Variants in STIM1 observed in about 807,000 individuals in gnomAD.
The protein encoded by STIM1 is stromal interaction molecule 1.
In STIM1, 25 loss-of-function variants were observed where a neutral mutation model predicts 74.7. The ratio of observed to expected loss-of-function variants is 0.33; its 90% confidence interval spans 0.24 to 0.47. The LOEUF is 0.47. STIM1 is among the 20% of genes least tolerant of loss of function. The pLI is 1.00. For synonymous variants in STIM1, 328 were observed against 348.8 expected (o/e 0.94, Z 0.66); for missense variants, 728 against 920.8 (o/e 0.79, Z 2.71).
At chr11:3,886,580 C>T (rs1029366408) in intron 1 of STIM1, among the ~76,000 whole-genome samples, 5 of 144,750 alleles carry the variant, frequency 3.5e-5, no homozygotes, top group African/African-American at 5.3e-5. Flanking sequence ...CCCAGCTACT[C>T]GGGAGGCTGA....
chr11:3,904,535 G>C (rs1784610815), intron 1 of STIM1, among the ~76,000 whole-genome samples: 1 of 152,070 alleles, frequency 6.6e-6, no homozygotes, highest in South Asian at 2.1e-4. Flanking sequence ...ATTTAAGATG[G>C]GTGTGACATG....
At chr11:3,999,890 A>G (rs1288173077) in intron 2 of STIM1, among the ~76,000 whole-genome samples, 4 of 152,154 alleles carry the variant, frequency 2.6e-5, no homozygotes, top group African/African-American at 9.6e-5. Context: ...CGAATACTGC[A>G]CTTTTCCGAC....
chr11:3,947,244 T>G (rs1041958568), intron 1 of STIM1: 3 of 152,238 alleles, frequency 2.0e-5, no homozygotes, highest in African/African-American at 4.8e-5. Context: ...CCATTTCCTG[T>G]GTTTACAGCT....
At chr11:3,902,668 C>T (rs976878574) in intron 1 of STIM1, among the ~76,000 whole-genome samples, 7 of 152,180 alleles carry the variant, frequency 4.6e-5, no homozygotes, top group Non-Finnish European at 5.9e-5. Flanking sequence ...TAACAAGGCA[C>T]GGACTGGTAC....
chr11:4,069,203 C>T (rs1044314562), intron 5 of STIM1, among the ~76,000 whole-genome samples: 9 of 152,144 alleles, frequency 5.9e-5, no homozygotes, highest in South Asian at 2.1e-4. Context: ...ATGCCTCTCT[C>T]CTGATTGGCT....
chr11:4,058,965 G>C (rs1048502532), intron 4 of STIM1: 2 of 1,171,294 alleles, frequency 1.7e-6, no homozygotes, highest in Non-Finnish European at 2.1e-6. Flanking sequence ...AATATGTAGA[G>C]GATAAACCCT....
intron 2 of STIM1, among the ~76,000 whole-genome samples, chr11:4,016,788 C>T (rs903271964): frequency 1.3e-5 from 2 of 152,176 alleles, no homozygotes; most frequent in Admixed American, 6.5e-5. Flanking sequence ...GGATGCCCCT[C>T]CCCCCACCAA....
intron 1 of STIM1, among the ~76,000 whole-genome samples, chr11:3,925,327 G>A (rs925169015): frequency 2.0e-5 from 3 of 152,298 alleles, no homozygotes; most frequent in South Asian, 2.1e-4. Flanking sequence ...CCTGGGAGGC[G>A]GAGGTTTCAG....
intron 1 of STIM1, among the ~76,000 whole-genome samples, chr11:3,888,366 C>T (rs935590154): frequency 6.6e-6 from 1 of 152,120 alleles, no homozygotes; most frequent in African/African-American, 2.4e-5. Context: ...GATAGGTGCT[C>T]AGCCATTTTC....
chr11:4,046,963 T>G (rs573488733), intron 3 of STIM1, among the ~76,000 whole-genome samples: 6 of 152,338 alleles, frequency 3.9e-5, no homozygotes, highest in Non-Finnish European at 4.4e-5. Flanking sequence ...AAATGCCTGT[T>G]TTTTGACAAG....
At chr11:3,981,105 C>T (rs938544020) in intron 2 of STIM1, among the ~76,000 whole-genome samples, 4 of 152,102 alleles carry the variant, frequency 2.6e-5, no homozygotes, top group Admixed American at 2.6e-4. Flanking sequence ...TCCGATGATT[C>T]TTCTGCCTCA....
intron 3 of STIM1, among the ~76,000 whole-genome samples, chr11:4,029,577 C>T (rs900554962): frequency 3.3e-4 from 1 of 3,060 alleles, no homozygotes; most frequent in Non-Finnish European, 6.7e-4. Context: ...GGAGGGTGGG[C>T]GGGGTGGGGG....
chr11:3,857,062 TC>T (rs1290930720), intron 1 of STIM1, among the ~76,000 whole-genome samples: 1 of 151,582 alleles, frequency 6.6e-6, no homozygotes, highest in East Asian at 1.9e-4. Flanking sequence ...TTCTGTTTCT[TC>T]TGACTGATGA....
intron 6 of STIM1, among the ~76,000 whole-genome samples, chr11:4,072,105 A>G (rs1338532977): frequency 6.6e-6 from 1 of 152,176 alleles, no homozygotes; most frequent in South Asian, 2.1e-4. Flanking sequence ...GGCAGGAGAC[A>G]TTCCAAGTTT....
intron 5 of STIM1, among the ~76,000 whole-genome samples, chr11:4,066,813 G>A (rs1334006886): frequency 2.6e-5 from 4 of 152,226 alleles, no homozygotes; most frequent in African/African-American, 9.6e-5. Context: ...TGTGGGCAAT[G>A]GTAGGGAGAA....
chr11:3,873,431 A>T (rs1021045540), intron 1 of STIM1, among the ~76,000 whole-genome samples: 4 of 151,750 alleles, frequency 2.6e-5, no homozygotes, highest in African/African-American at 7.3e-5. Context: ...AAAAAAAAAA[A>T]AAAAAATTAA....
At chr11:3,964,725 T>C (rs1400495440) in intron 1 of STIM1, among the ~76,000 whole-genome samples, 2 of 151,280 alleles carry the variant, frequency 1.3e-5, no homozygotes, top group Non-Finnish European at 2.9e-5. Flanking sequence ...CTTTCTTTAA[T>C]TCTTTTTTTT....
At chr11:4,005,904 C>G (rs915235453) in intron 2 of STIM1, among the ~76,000 whole-genome samples, 1 of 152,120 alleles carries the variant, frequency 6.6e-6, no homozygotes, top group African/African-American at 2.4e-5. Context: ...TCCTAGAACT[C>G]TGTAAATGAC....
intron 1 of STIM1, among the ~76,000 whole-genome samples, chr11:3,908,611 C>A (rs1276016491): frequency 1.2e-3 from 174 of 140,876 alleles, no homozygotes; most frequent in African/African-American, 1.9e-3. Flanking sequence ...GACTCCATCT[C>A]AAAAAAAAAA....
Sources: allele counts gnomAD v4.1 joint callset (sites outside exome capture counted in the v4.1 genomes callset), GRCh38; gene constraint gnomAD v4.1.1; transcripts MANE v1.5; gene names NCBI Gene and HGNC (gene_info 2026-07-23, HGNC 2026-07-21).